Variants in CNTNAP2 observed in about 807,000 individuals in gnomAD.
The protein encoded by CNTNAP2 is contactin associated protein 2.
CNTNAP2 carries 98 observed loss-of-function variants against 155.2 expected under a neutral mutation model. That is an observed-to-expected ratio of 0.63 (90% confidence interval 0.54 to 0.75). The LOEUF (loss-of-function observed/expected upper bound fraction) is 0.75. Ranked by LOEUF, CNTNAP2 falls within the 30% of genes least tolerant of loss-of-function variation. The pLI is 0.00. For missense variants in CNTNAP2, 1,727 were observed against 1,688.1 expected (o/e 1.02, Z -0.40); for synonymous variants, 651 against 631.2 (o/e 1.03, Z -0.47).
At chr7:147,839,168 T>C (rs1259203424) in intron 13 of CNTNAP2, among the ~76,000 whole-genome samples, 1 of 152,162 alleles carries the variant, frequency 6.6e-6, no homozygotes, top group Non-Finnish European at 1.5e-5. Context: ...ATTTTGGCTA[T>C]GCTGGCAGGT....
chr7:146,816,728 G>A (rs1803178216), intron 2 of CNTNAP2, among the ~76,000 whole-genome samples: 1 of 152,142 alleles, frequency 6.6e-6, no homozygotes, highest in Admixed American at 6.5e-5. Context: ...TAACTGGCAG[G>A]CAGTAAAGCA....
intron 15 of CNTNAP2, among the ~76,000 whole-genome samples, chr7:148,059,590 C>CAAAAAAAA (rs200397254): frequency 2.7e-5 from 2 of 72,738 alleles, no homozygotes; most frequent in Non-Finnish European, 3.1e-5. Flanking sequence ...AACTCTGTCT[C>CAAAAAAAA]AAAAAAAAAA....
At chr7:147,714,353 G>A (rs146831682) in intron 13 of CNTNAP2, among the ~76,000 whole-genome samples, 1,656 of 152,138 alleles carry the variant, frequency 0.011, 30 homozygotes, top group African/African-American at 0.038. Flanking sequence ...GGGCCATGAG[G>A]AAGAAAGGGA....
intron 3 of CNTNAP2, among the ~76,000 whole-genome samples, chr7:146,969,020 T>C (rs1338290931): frequency 3.3e-4 from 50 of 150,198 alleles, no homozygotes; most frequent in Non-Finnish European, 4.9e-4. Context: ...GTCTTTGTTC[T>C]CGTTGGTTTC....
rs1563101815 is a variant in CNTNAP2, at chr7:146,483,324, T to TATATATAC, written c.98-290942_98-290941insTACATATA. ...ATATATATATATATATATATATATA[T>TATATATAC]ATATACATATATATATATTTAAGCA... On this transcript the variant is annotated intron_variant, in intron 1 of 23. Coordinates refer to ENST00000361727, the MANE Select transcript of CNTNAP2 (RefSeq NM_014141.6). 3.8e-4 allele frequency among the ~76,000 whole-genome samples: 32 copies of TATATATAC among 83,788 alleles called. No homozygotes were observed. The East Asian group carries it at 5.1e-3, about 13-fold the overall frequency. The allele number at this position is 83,788 out of a possible 152,430, so 55.0% of individuals were successfully genotyped here. A position where few individuals can be genotyped will look rare whatever the true frequency, so the allele number is the denominator to read the frequency against.
At chr7:146,760,409 C>CTTTTTT (rs532820418) in intron 1 of CNTNAP2, among the ~76,000 whole-genome samples, 588 of 56,286 alleles carry the variant, frequency 0.01, 113 homozygotes, top group African/African-American at 0.041. Context: ...TCCAATTTAC[C>CTTTTTT]TTTTTTTTTT....
At chr7:147,801,946 G>T (rs1797998970) in intron 13 of CNTNAP2, among the ~76,000 whole-genome samples, 1 of 148,596 alleles carries the variant, frequency 6.7e-6, no homozygotes, top group Admixed American at 6.7e-5. Flanking sequence ...GGCTGGCCGG[G>T]CGGGGGGCTG....
At chr7:147,602,048 T>C (rs181892896) in intron 12 of CNTNAP2, among the ~76,000 whole-genome samples, 2 of 152,274 alleles carry the variant, frequency 1.3e-5, no homozygotes, top group East Asian at 1.9e-4. Context: ...ATTGTTGCAG[T>C]ATCCTTCCAT....
chr7:147,042,595 A>G lies in CNTNAP2; in HGVS notation c.403-1312A>G, dbSNP rs537660210. 2.6e-5 allele frequency among the ~76,000 whole-genome samples: 4 copies of G among 152,268 alleles called. No homozygotes were observed. The East Asian group carries it at 7.7e-4, about 29-fold the overall frequency. ...GCTCTTTACTTTGTATGAGTAGTCT[A>G]ACTTTAAAACATCATTATTAAAGAT... On this transcript the variant is annotated intron_variant, in intron 3 of 23. Coordinates refer to ENST00000361727, the MANE Select transcript of CNTNAP2 (RefSeq NM_014141.6).
At chr7:147,976,782 G>T (rs1348035914) in intron 14 of CNTNAP2, among the ~76,000 whole-genome samples, 1 of 152,150 alleles carries the variant, frequency 6.6e-6, no homozygotes, top group Non-Finnish European at 1.5e-5. Context: ...TTTGCTAAGA[G>T]ACATGAATGA....
chr7:147,116,392 G>A (rs1357224768), intron 5 of CNTNAP2, among the ~76,000 whole-genome samples: 1 of 152,154 alleles, frequency 6.6e-6, no homozygotes, highest in Non-Finnish European at 1.5e-5. Context: ...TAATCGGTTT[G>A]GGCTCTCCAA....
chr7:147,656,380 A>G (rs1472136550), intron 13 of CNTNAP2, among the ~76,000 whole-genome samples: 1 of 152,184 alleles, frequency 6.6e-6, no homozygotes, highest in Non-Finnish European at 1.5e-5. Flanking sequence ...TGTCTTCCTC[A>G]CTAAGCTTAA....
At chr7:147,456,479 CT>C (rs1797919997) in intron 10 of CNTNAP2, among the ~76,000 whole-genome samples, 1 of 152,050 alleles carries the variant, frequency 6.6e-6, no homozygotes, top group South Asian at 2.1e-4. Context: ...AGCAGAAAAC[CT>C]TTTAACCTTA....
intron 15 of CNTNAP2, among the ~76,000 whole-genome samples, chr7:148,069,829 A>G (rs1803348884): frequency 6.6e-6 from 1 of 152,130 alleles, no homozygotes; most frequent in Admixed American, 6.6e-5. Flanking sequence ...TCAACTCTCT[A>G]AAACTAAGAC....
intron 21 of CNTNAP2, among the ~76,000 whole-genome samples, chr7:148,273,305 G>A (rs1433430533): frequency 6.6e-6 from 1 of 152,144 alleles, no homozygotes; most frequent in Non-Finnish European, 1.5e-5. Context: ...AGGGTCTCCT[G>A]TTCCATTGGC....
intron 1 of CNTNAP2, among the ~76,000 whole-genome samples, chr7:146,654,916 G>A (rs1363577456): frequency 1.3e-5 from 2 of 151,912 alleles, no homozygotes; most frequent in Non-Finnish European, 2.9e-5. Flanking sequence ...AAAATTAAGT[G>A]GATCTTTTAT....
intron 1 of CNTNAP2, among the ~76,000 whole-genome samples, chr7:146,638,498 T>TTTTTTTTTTTTTTTTTTTTTTTTTTG (rs763882568): frequency 9.2e-6 from 1 of 108,526 alleles, no homozygotes; most frequent in East Asian, 2.7e-4. Context: ...TTTTTTTTTT[T>TTTTTTTTTTTTTTTTTTTTTTTTTTG]CTTTGAGATG....
intron 2 of CNTNAP2, among the ~76,000 whole-genome samples, chr7:146,798,834 T>G (rs1409372215): frequency 6.6e-6 from 1 of 152,152 alleles, no homozygotes; most frequent in Non-Finnish European, 1.5e-5. Context: ...AAATTATAAT[T>G]ACCCACATTT....
chr7:146,807,608 C>A (rs1175130442), intron 2 of CNTNAP2, among the ~76,000 whole-genome samples: 1 of 152,046 alleles, frequency 6.6e-6, no homozygotes, highest in African/African-American at 2.4e-5. Context: ...TTACCAAGGT[C>A]AATTTTCCTT....
Sources: gnomAD v4.1 joint callset for allele counts (sites outside exome capture counted in the v4.1 genomes callset) on GRCh38, gnomAD v4.1.1 for gene constraint, MANE v1.5 for transcripts, NCBI Gene and HGNC (gene_info 2026-07-23, HGNC 2026-07-21) for gene names.